VWDE: variants seen among roughly 807,000 people sequenced by gnomAD.
VWDE encodes the protein von Willebrand factor D and EGF domain-containing protein.
Under a neutral mutation model 178.4 loss-of-function variants are expected in VWDE, and 207 were observed. The ratio of observed to expected loss-of-function variants is 1.16; its 90% CI spans 1.04 to 1.30. The LOEUF is 1.30. Ranked by LOEUF, VWDE falls within the 50% of genes most tolerant of loss-of-function variation. The pLI is 0.00. For synonymous variants in VWDE, 738 were observed against 651.4 expected, an observed-to-expected ratio of 1.13 and a Z score of -2.02; for missense variants, 2,287 against 1,901.3, an observed-to-expected ratio of 1.20 and a Z score of -3.77.
chr7:12,345,678 T>C (rs886222867), intron 19 of VWDE, among the ~76,000 whole-genome samples: 2 of 152,184 alleles, frequency 1.3e-5, no homozygotes, highest in Non-Finnish European at 2.9e-5. Context: ...TGCTTTGCCA[T>C]GGGTGTTGTT....
At chr7:12,400,952 C>T (rs59739486) in intron 1 of VWDE, among the ~76,000 whole-genome samples, 27,553 of 151,954 alleles carry the variant, frequency 0.18, 3,361 homozygotes, top group African/African-American at 0.34. Context: ...AGCATAAAAG[C>T]TGAAATCCAC....
At chr7:12,402,807 A>G (rs1784968751) in intron 1 of VWDE, among the ~76,000 whole-genome samples, 1 of 152,188 alleles carries the variant, frequency 6.6e-6, no homozygotes, top group African/African-American at 2.4e-5. Flanking sequence ...TACATCAGTA[A>G]AATGAGTTAA....
Position 12,351,683 on chromosome 7 carries a change from G to A in VWDE, c.3776C>T (p.Thr1259Ile), listed in dbSNP as rs1291521703. 2 of 1,547,086 alleles carry A rather than the reference G, an allele frequency of 1.3e-6. No individual in the cohort carries two copies. Among genetic ancestry groups the A allele is most frequent in the East Asian group, 2.5e-5 (1 of 40,744 alleles). Reference sequence around the variant, plus strand: ...AGATCTTGTGAGAACCACAGTTTGTGTAGTAAATTGATTTACAAACTGTGT... The same window carrying A: ...AGATCTTGTGAGAACCACAGTTTGTATAGTAAATTGATTTACAAACTGTGT... ...VETQFVNQFT[T>I]QTVVLTRSDK... Residue 1259 changes from threonine to isoleucine, a missense_variant, in exon 19 of 29, where the codon ACA (threonine) becomes ATA (isoleucine). Thr to Ile is a moderately conservative substitution (Grantham distance 89, BLOSUM62 -1). Transcript: ENST00000275358.
chr7:12,343,723 T>A (rs910959351), intron 21 of VWDE, among the ~76,000 whole-genome samples: 1 of 152,188 alleles, frequency 6.6e-6, no homozygotes, highest in African/African-American at 2.4e-5. Context: ...TTTCATAAAT[T>A]TTCCGCTTAA....
chr7:12,345,800 A>G (rs1463711828), intron 19 of VWDE, among the ~76,000 whole-genome samples: 2 of 152,138 alleles, frequency 1.3e-5, no homozygotes, highest in Non-Finnish European at 2.9e-5. Flanking sequence ...TCTGATGGGA[A>G]ATAGGCTTTA....
Position 12,356,093 on chromosome 7 carries a change from T to G in VWDE, c.3745+18A>C. On this transcript the variant is annotated intron_variant, in intron 18 of 28. Coordinates refer to ENST00000275358, the MANE Select transcript of VWDE (RefSeq NM_001135924.3). The stretch of plus-strand genomic sequence containing the variant: ...AGGAGCTTTTCTTTCTAATTTGTTA[T>G]GAGGAGCAAAATCTTACCTTTGAGC... 6.5e-7 allele frequency: 1 copy of G among 1,546,288 alleles called. No homozygotes were observed. Among genetic ancestry groups the G allele is most frequent in the Non-Finnish European group, 8.7e-7 (1 of 1,143,606 alleles).
Position 12,374,745 on chromosome 7 carries a change from G to A in VWDE, c.1260C>T (p.Val420=), listed in dbSNP as rs1258893046. 1.3e-6 allele frequency: 2 copies of A among 1,538,112 alleles called. No homozygotes were observed. The highest frequency in any genetic ancestry group is 1.8e-6 in the Non-Finnish European group (2 of 1,141,278). The change falls in exon 9 of 29, where the codon GTC becomes GTT. Residue 420 remains valine, a synonymous_variant. Transcript: ENST00000275358. Reference sequence around the variant, plus strand: ...TAAATGTATAGCAGTAAGCAGTTGGGACATCCTTTACTTTGATCTTAAAAG... The same window carrying A: ...TAAATGTATAGCAGTAAGCAGTTGGAACATCCTTTACTTTGATCTTAAAAG... ...PDSIQIKVKD[V]PTAYCYTFTD... is the part of the protein sequence containing the mutation.
At chr7:12,358,586 T>C (rs747921193) in intron 16 of VWDE, among the ~76,000 whole-genome samples, 2 of 152,162 alleles carry the variant, frequency 1.3e-5, no homozygotes, top group African/African-American at 4.8e-5. Flanking sequence ...TGCCCCGAGA[T>C]TGTAGCTCTG....
rs1449221624 is a variant in VWDE, at chr7:12,335,244, A to G, written c.4654+897T>C. On this transcript the variant is annotated intron_variant, in intron 27 of 28. Coordinates refer to ENST00000275358, the MANE Select transcript of VWDE (RefSeq NM_001135924.3). Reference sequence around the variant, plus strand: ...TTTTGAGGGATTTGCAGTTTTTCCCATTAAGTTAATCATTGTTAATATTTT... The same window carrying G: ...TTTTGAGGGATTTGCAGTTTTTCCCGTTAAGTTAATCATTGTTAATATTTT... 2.6e-5 allele frequency among the ~76,000 whole-genome samples: 4 copies of G among 152,156 alleles called. No homozygotes were observed. The East Asian group carries it at 7.7e-4, about 29-fold the overall frequency.
At chr7:12,345,139 T>C (rs779453827) in intron 19 of VWDE, among the ~76,000 whole-genome samples, 1 of 152,090 alleles carries the variant, frequency 6.6e-6, no homozygotes, top group Non-Finnish European at 1.5e-5. Context: ...CTCAAATATA[T>C]TTGTAATATA....
At chr7:12,378,573 T>C (rs111523636) in intron 6 of VWDE, among the ~76,000 whole-genome samples, 7 of 152,246 alleles carry the variant, frequency 4.6e-5, no homozygotes, top group African/African-American at 1.7e-4. Flanking sequence ...ATTCTCCCTG[T>C]TAGCCTAATC....
chr7:12,367,488 C>A lies in VWDE; in HGVS notation c.2767G>T (p.Ala923Ser). ...TTCCCAAGCTCTGTAATTTCAGGAG[C>A]TTTGTCTTTGGAAAAAAAATATAAC... ...SYDCSDSYDK[A>S]PEITELGNAG... The change falls in exon 13 of 29, where the codon GCT (alanine) becomes TCT (serine). Residue 923 changes from alanine to serine, a missense_variant. Physicochemically the swap from Ala to Ser is moderately conservative, Grantham distance 99 (BLOSUM62 1). Transcript: ENST00000275358. 4 of 1,496,072 alleles carry A rather than the reference C, an allele frequency of 2.7e-6. No individual in the cohort carries two copies. Among genetic ancestry groups the A allele is most frequent in the Non-Finnish European group, 3.6e-6 (4 of 1,124,054 alleles). 92.7% of individuals were successfully genotyped at this position (1,496,072 alleles called of 1,614,324 possible).
In VWDE at chr7:12,354,408, A is replaced by G. The variant is rs150714577; in HGVS notation, c.3745+1703T>C. On this transcript the variant is annotated intron_variant, in intron 18 of 28. Transcript: ENST00000275358. The stretch of plus-strand genomic sequence containing the variant: ...CTGGACATGAACCACAATGATAGGA[A>G]CCAAAGGTATTCAGGCATGCTACTC... 8.0e-4 allele frequency: 353 copies of G among 444,014 alleles called. 1 individual carries two copies. The highest frequency in any genetic ancestry group is 6.8e-3 in the African/African-American group (337 of 49,254). 27.5% of individuals were successfully genotyped at this position (444,014 alleles called of 1,614,324 possible). A position where few individuals can be genotyped will look rare whatever the true frequency, so the allele number is the denominator to read the frequency against.
chr7:12,339,029 T>C (rs1310379483), intron 24 of VWDE, among the ~76,000 whole-genome samples: 1 of 152,102 alleles, frequency 6.6e-6, no homozygotes, highest in African/African-American at 2.4e-5. Flanking sequence ...AAGAATTACA[T>C]GTCATAGCAA....
At chr7:12,346,674 C>A (rs1781617399) in intron 19 of VWDE, among the ~76,000 whole-genome samples, 1 of 151,952 alleles carries the variant, frequency 6.6e-6, no homozygotes, top group South Asian at 2.1e-4. Flanking sequence ...TTCCTTATTG[C>A]ACTTTTTTAC....
chr7:12,400,191 G>C (rs1240467317), intron 1 of VWDE, among the ~76,000 whole-genome samples: 1 of 152,014 alleles, frequency 6.6e-6, no homozygotes, highest in South Asian at 2.1e-4. Flanking sequence ...AAACCTAAAG[G>C]AAGCAGAAGG....
At chr7:12,379,817 G>A (rs1196329061) in intron 5 of VWDE, among the ~76,000 whole-genome samples, 2 of 152,022 alleles carry the variant, frequency 1.3e-5, no homozygotes, top group Admixed American at 6.5e-5. Flanking sequence ...ACTTAAGGCC[G>A]GGTGCGGTGG....
intron 13 of VWDE, among the ~76,000 whole-genome samples, chr7:12,366,236 C>G (rs1782853755): frequency 6.6e-6 from 1 of 152,062 alleles, no homozygotes; most frequent in Admixed American, 6.6e-5. Flanking sequence ...TGGACTAATA[C>G]AGTTCTGTAT....
chr7:12,386,301 A>G (rs548089843), intron 3 of VWDE, among the ~76,000 whole-genome samples: 2 of 152,294 alleles, frequency 1.3e-5, no homozygotes, highest in African/African-American at 4.8e-5. Context: ...CTCCTTCCTA[A>G]TGAATGCCAC....
Sources: gnomAD v4.1 joint callset for allele counts (sites outside exome capture counted in the v4.1 genomes callset) on GRCh38, gnomAD v4.1.1 for gene constraint, MANE v1.5 for transcripts, NCBI Gene and HGNC (gene_info 2026-07-23, HGNC 2026-07-21) for gene names.